CIT: variants seen among roughly 807,000 people sequenced by gnomAD.
CIT encodes the protein citron rho-interacting serine/threonine kinase, also known as citron Rho-interacting kinase.
A neutral mutation model predicts 272.7 loss-of-function variants in CIT; 79 were observed. The ratio of observed to expected loss-of-function variants is 0.29; its 90% CI spans 0.24 to 0.35. The LOEUF (loss-of-function observed/expected upper bound fraction) is 0.35. Ranked by LOEUF, CIT falls within the 10% of genes least tolerant of loss-of-function variation. CIT has a pLI of 1.00. For synonymous variants in CIT, 948 were observed against 995.6 expected (o/e 0.95, Z 0.90); for missense variants, 1,909 against 2,618.3 (o/e 0.73, Z 5.91).
chr12:119,752,002 C>T lies in CIT; in HGVS notation c.2904+48G>A, dbSNP rs761907452. 1.2e-5 allele frequency: 19 copies of T among 1,540,282 alleles called. No individual in the cohort carries two copies. The South Asian group carries it at 2.2e-4, about 18-fold the overall frequency. On this transcript the variant is annotated intron_variant, in intron 23 of 47. Coordinates refer to ENST00000392521, the MANE Select transcript of CIT (RefSeq NM_001206999.2). ...TACTCAGTGCCAGTTCCACACTCAT[C>T]CTAGCTGAGGCCTTTAGCAACCTGA...
intron 26 of CIT, among the ~76,000 whole-genome samples, chr12:119,733,376 A>G (rs1789568901): frequency 6.6e-6 from 1 of 150,736 alleles, no homozygotes; most frequent in Non-Finnish European, 1.5e-5. Context: ...CAAAAATACA[A>G]AAAAAAAATT....
intron 10 of CIT, 150 bp from the exon 11 acceptor site, chr12:119,785,215 C>G: frequency 1.2e-6 from 1 of 818,884 alleles, no homozygotes; most frequent in East Asian, 2.7e-5. Context: ...CCCAAAGATG[C>G]CCATGTCCTG....
At chr12:119,726,393 T>C (rs1593492305) in intron 28 of CIT, among the ~76,000 whole-genome samples, 1 of 140,260 alleles carries the variant, frequency 7.1e-6, no homozygotes, top group East Asian at 2.0e-4. Context: ...TAATTTTTTT[T>C]TTTTTTTTTT....
chr12:119,730,304 G>A (rs928698401), intron 27 of CIT, among the ~76,000 whole-genome samples, 191 bp downstream of exon 27: 8 of 147,166 alleles, frequency 5.4e-5, no homozygotes, highest in Admixed American at 2.7e-4. Flanking sequence ...GGTACCCACC[G>A]CACCCACCCA....
intron 28 of CIT, among the ~76,000 whole-genome samples, chr12:119,723,132 C>T (rs1163897807): frequency 6.6e-6 from 1 of 152,016 alleles, no homozygotes; most frequent in African/African-American, 2.4e-5. Context: ...AATCAAACCA[C>T]AGAGCCCCCT....
intron 9 of CIT, among the ~76,000 whole-genome samples, chr12:119,807,004 G>A (rs967860945): frequency 1.3e-5 from 2 of 152,008 alleles, no homozygotes; most frequent in Admixed American, 1.3e-4. Flanking sequence ...TAGATCTGAG[G>A]GAATCACATA....
rs146361153 is a variant in CIT, at chr12:119,812,038, C to T, written c.1112-8649G>A. ...TCGGCTCACTGCAACCTCCACCTCCCGGGTTCAAGGAATTCTCATGCTTCA... is the reference window on the plus strand; with the variant it reads ...TCGGCTCACTGCAACCTCCACCTCCTGGGTTCAAGGAATTCTCATGCTTCA... On this transcript the variant is annotated intron_variant, in intron 9 of 47. Transcript: ENST00000392521. 2.5e-4 allele frequency among the ~76,000 whole-genome samples: 38 copies of T among 151,780 alleles called. No homozygotes were observed. In the East Asian group the frequency reaches 3.7e-3, roughly 15 times the overall value.
chr12:119,750,068 C>T (rs1353037756), intron 23 of CIT, among the ~76,000 whole-genome samples: 1 of 152,212 alleles, frequency 6.6e-6, no homozygotes, highest in African/African-American at 2.4e-5. Flanking sequence ...GCTAAAGACA[C>T]AGCATTGGGC....
At chr12:119,780,772 C>G (rs1964213125) in intron 13 of CIT, among the ~76,000 whole-genome samples, 2 of 152,338 alleles carry the variant, frequency 1.3e-5, no homozygotes, top group South Asian at 4.1e-4. Flanking sequence ...ATCCTGCTCT[C>G]ACAAAACTTA....
chr12:119,763,381 G>A (rs114615980), intron 19 of CIT, among the ~76,000 whole-genome samples: 2,365 of 30,720 alleles, frequency 0.077, 66 homozygotes, highest in African/African-American at 0.27. Flanking sequence ...CCACCTGCCT[G>A]GCTAATTTTT....
intron 18 of CIT, among the ~76,000 whole-genome samples, chr12:119,769,610 T>C (rs1962857304): frequency 6.6e-6 from 1 of 152,078 alleles, no homozygotes; most frequent in African/African-American, 2.4e-5. Context: ...TTTATACTCA[T>C]GATAAAATTC....
In CIT at chr12:119,701,891, T is replaced by C. The variant is rs778190229; in HGVS notation, c.5372A>G (p.Asn1791Ser). Residue 1791 changes from asparagine to serine, a missense_variant, in exon 42 of 48, where the codon AAT becomes AGT. By Grantham distance (46) the Asn-to-Ser change is conservative. Transcript: ENST00000392521. ...FTNYSILIGT[N>S]KFYEIDMKQY... is the part of the protein sequence containing the mutation. ...CTTCATGTCGATTTCGTAGAATTTA[T>C]TGGTTCCAATGAGGATACTGTAATT... is the stretch of plus-strand genomic sequence containing the variant. 1.9e-6 allele frequency: 3 copies of C among 1,614,188 alleles called. No individual in the cohort carries two copies. Among genetic ancestry groups the C allele is most frequent in the Admixed American group, 3.3e-5 (2 of 60,032 alleles).
intron 8 of CIT, among the ~76,000 whole-genome samples, chr12:119,823,806 G>A (rs1967928006): frequency 1.3e-5 from 2 of 151,932 alleles, no homozygotes; most frequent in African/African-American, 2.4e-5. Context: ...TTGGGAGGCC[G>A]AGGCAGGCGG....
intron 1 of CIT, among the ~76,000 whole-genome samples, chr12:119,876,503 A>G (rs1319612466): frequency 2.0e-5 from 3 of 152,234 alleles, no homozygotes; most frequent in Admixed American, 1.3e-4. Flanking sequence ...ATAGGTGCGA[A>G]TAGTTATTAA....
chr12:119,834,926 C>G (rs60939184), intron 5 of CIT, among the ~76,000 whole-genome samples: 8,180 of 152,176 alleles, frequency 0.054, 680 homozygotes, highest in African/African-American at 0.19. Context: ...ATATTAAAAA[C>G]AAACAGATTC....
chr12:119,711,471 C>G (rs889513312), intron 37 of CIT, among the ~76,000 whole-genome samples: 1 of 152,198 alleles, frequency 6.6e-6, no homozygotes, highest in Non-Finnish European at 1.5e-5. Flanking sequence ...GGAGGGGACA[C>G]AGCTGCCGGC....
In CIT at chr12:119,713,153, G is replaced by T; in HGVS notation, c.4579+50C>A. ...AAAGCCTTCGCGCCAGCACTGGGGA[G>T]ACCTGGGTTAGCCACGTGCAATGAC... On this transcript the variant is annotated intron_variant, in intron 35 of 47. Coordinates refer to ENST00000392521, the MANE Select transcript of CIT (RefSeq NM_001206999.2). This position sits in a 1 kb window ranked among gnomAD's most constrained non-coding sequence, Gnocchi z 5.2. 1 of 1,416,186 alleles carries T rather than the reference G, an allele frequency of 7.1e-7. No homozygotes were observed. The highest frequency in any genetic ancestry group is 1.2e-5 in the South Asian group (1 of 84,730). 87.7% of individuals were successfully genotyped at this position (1,416,186 alleles called of 1,614,324 possible).
At chr12:119,820,073 T>C (rs1967554416) in intron 9 of CIT, among the ~76,000 whole-genome samples, 1 of 152,118 alleles carries the variant, frequency 6.6e-6, no homozygotes, top group South Asian at 2.1e-4. Flanking sequence ...ACCAGTCCCA[T>C]CAAATATAAA....
At chr12:119,704,283 C>A (rs1956753351) in intron 41 of CIT, 80 bp downstream of exon 41, 1 of 1,313,424 alleles carries the variant, frequency 7.6e-7, no homozygotes, top group Admixed American at 1.7e-5. Flanking sequence ...TGTCCCAGGA[C>A]AGTGCACTTT....
Sources: allele counts gnomAD v4.1 joint callset (sites outside exome capture counted in the v4.1 genomes callset), GRCh38; gene constraint gnomAD v4.1.1; non-coding constraint Gnocchi (gnomAD v3.1); transcripts MANE v1.5; gene names NCBI Gene and HGNC (gene_info 2026-07-23, HGNC 2026-07-21).